DOCK1: variants seen among roughly 807,000 people sequenced by gnomAD.
DOCK1 encodes the protein dedicator of cytokinesis 1.
Under a neutral mutation model 262.7 loss-of-function variants are expected in DOCK1, and 138 were observed. The observed-to-expected ratio is 0.53, with a 90% CI of 0.46 to 0.61. The LOEUF (loss-of-function observed/expected upper bound fraction) is 0.61, where lower values mean the gene tolerates loss of function less well. Among genes scored for constraint, DOCK1 ranks in the 20% least tolerant of loss-of-function variants. DOCK1 has a pLI of 0.00. For missense variants in DOCK1, 1,908 were observed against 2,370.7 expected, an observed-to-expected ratio of 0.80 and a Z score of 4.05; for synonymous variants, 866 against 867.4, an observed-to-expected ratio of 1.00 and a Z score of 0.03.
intron 27 of DOCK1, among the ~76,000 whole-genome samples, chr10:127,199,669 G>A (rs1166124424): frequency 6.6e-6 from 1 of 152,162 alleles, no homozygotes; most frequent in Non-Finnish European, 1.5e-5. Context: ...TATCAGAATG[G>A]GGATTACCTT....
chr10:127,204,928 G>A (rs1195666267), intron 27 of DOCK1, among the ~76,000 whole-genome samples: 2 of 152,150 alleles, frequency 1.3e-5, no homozygotes, highest in Non-Finnish European at 2.9e-5. Flanking sequence ...CCATTTGACT[G>A]TGGGTGGCCT....
chr10:127,262,215 T>TGG (rs879430933), intron 29 of DOCK1, among the ~76,000 whole-genome samples: 1 of 143,438 alleles, frequency 7.0e-6, no homozygotes, highest in Non-Finnish European at 1.5e-5. Context: ...TGTGTGTGCG[T>TGG]GTGTGTGTGT....
intron 27 of DOCK1, among the ~76,000 whole-genome samples, chr10:127,177,721 C>T (rs1326029420): frequency 1.3e-5 from 2 of 152,240 alleles, no homozygotes; most frequent in Non-Finnish European, 2.9e-5. Context: ...TGGCAGCACT[C>T]ATTGGAAAAT....
chr10:127,363,013 CCACA>C (rs768899518), intron 33 of DOCK1, among the ~76,000 whole-genome samples: 6 of 37,236 alleles, frequency 1.6e-4, no homozygotes, highest in East Asian at 6.4e-4. Flanking sequence ...ACGCACATCC[CCACA>C]CACACACACA....
intron 18 of DOCK1, 36 bp downstream of exon 18, chr10:127,032,356 G>A: frequency 2.0e-6 from 3 of 1,471,104 alleles, no homozygotes; most frequent in East Asian, 5.0e-5. Flanking sequence ...CACCCCAGGA[G>A]CTCTGCCCCA....
intron 1 of DOCK1, among the ~76,000 whole-genome samples, chr10:126,909,413 T>A (rs927564104): frequency 6.6e-6 from 1 of 152,122 alleles, no homozygotes; most frequent in Admixed American, 6.5e-5. Flanking sequence ...AGATAATACA[T>A]TTGTGTGGTT....
At chr10:127,297,084 T>A (rs2061529270) in intron 29 of DOCK1, among the ~76,000 whole-genome samples, 2 of 150,834 alleles carry the variant, frequency 1.3e-5, no homozygotes, top group African/African-American at 4.9e-5. Context: ...AGAGGAGGGG[T>A]GGGAGTGAGG....
chr10:127,135,643 A>T (rs182798660), intron 27 of DOCK1: 1 of 152,646 alleles, frequency 6.6e-6, no homozygotes, highest in African/African-American at 2.4e-5. Context: ...TGATTTTGAC[A>T]ATAGTTTTTC....
intron 43 of DOCK1, among the ~76,000 whole-genome samples, chr10:127,414,651 A>G (rs1224612163): frequency 6.6e-6 from 1 of 152,186 alleles, no homozygotes; most frequent in Non-Finnish European, 1.5e-5. Flanking sequence ...ATATAAACAT[A>G]TATTAGTTAC....
intron 31 of DOCK1, chr10:127,344,632 T>C (rs1202887286): frequency 6.6e-6 from 1 of 152,248 alleles, no homozygotes; most frequent in Admixed American, 6.5e-5. Flanking sequence ...GCTGCTCTTA[T>C]ATCCTGTGAG....
intron 1 of DOCK1, among the ~76,000 whole-genome samples, chr10:126,946,500 C>T (rs1019038703): frequency 8.5e-5 from 13 of 152,056 alleles, no homozygotes; most frequent in East Asian, 1.9e-4. Context: ...GAGCTGAGAT[C>T]GCAGCACTAC....
rs2047852653 is a variant in DOCK1, at chr10:127,095,488, G to T, written c.2446-10743G>T. Among the ~76,000 whole-genome samples the T allele has an allele frequency of 2.0e-5, 3 of 152,248 alleles. No homozygotes were observed. The South Asian group carries it at 6.2e-4, about 32-fold the overall frequency. ...TAGAGAAGGGATATGGGAGAGAAGT[G>T]CAGGGGATTTACTTAGCCAAGGCTG... On this transcript the variant is annotated intron_variant, in intron 23 of 51. Coordinates refer to ENST00000623213, the MANE Select transcript of DOCK1 (RefSeq NM_001290223.2).
intron 1 of DOCK1, among the ~76,000 whole-genome samples, chr10:126,937,798 C>T (rs2034656217): frequency 6.6e-6 from 1 of 152,094 alleles, no homozygotes; most frequent in African/African-American, 2.4e-5. Flanking sequence ...TGTGGTGTTG[C>T]CTTTCTACTC....
chr10:127,344,752 T>A (rs2063559483), intron 31 of DOCK1, among the ~76,000 whole-genome samples: 1 of 152,138 alleles, frequency 6.6e-6, no homozygotes, highest in Non-Finnish European at 1.5e-5. Context: ...TACCAGCTAC[T>A]TAGGAGGCTG....
At chr10:127,145,080 T>C (rs2051670730) in intron 27 of DOCK1, among the ~76,000 whole-genome samples, 1 of 152,204 alleles carries the variant, frequency 6.6e-6, no homozygotes, top group Non-Finnish European at 1.5e-5. Context: ...ACTGGAGAAC[T>C]TGCTTGACTG....
At chr10:127,448,762 T>G (rs1012868785) in intron 51 of DOCK1, among the ~76,000 whole-genome samples, 4 of 152,016 alleles carry the variant, frequency 2.6e-5, no homozygotes, top group Admixed American at 6.6e-5. Flanking sequence ...AAACATGAGA[T>G]TGTTGGGTGG....
rs115064464 is a variant in DOCK1, at chr10:127,335,009, C to G, written c.3045-3997C>G. 7.1e-3 allele frequency among the ~76,000 whole-genome samples: 1,074 copies of G among 152,302 alleles called. 11 individuals are homozygous for G. Among genetic ancestry groups the G allele is most frequent in the African/African-American group, 0.025 (1,031 of 41,572 alleles). Reference sequence around the variant, plus strand: ...GGGGCAACCAAATACTCTAGCCTCCCTGAGGCCTCTCATTTGGGCCAGAGC... The same window carrying G: ...GGGGCAACCAAATACTCTAGCCTCCGTGAGGCCTCTCATTTGGGCCAGAGC... On this transcript the variant is annotated intron_variant, in intron 29 of 51. Coordinates refer to ENST00000623213, the MANE Select transcript of DOCK1 (RefSeq NM_001290223.2).
In DOCK1 at chr10:127,024,595, G is replaced by A. The variant is rs542140068; in HGVS notation, c.1453-90G>A. The A allele has an allele frequency of 3.1e-5, 34 of 1,095,042 alleles. No homozygotes were observed. The East Asian group carries it at 5.3e-4, about 17-fold the overall frequency. 67.8% of individuals were successfully genotyped at this position (1,095,042 alleles called of 1,614,324 possible). On this transcript the variant is annotated intron_variant, in intron 14 of 51. Transcript: ENST00000623213. ...GGGGGTGTGTTGGTGTTCTTGGAGC[G>A]TACCTGTCCCCCCACATATATAGTG...
intron 1 of DOCK1, among the ~76,000 whole-genome samples, chr10:126,948,848 C>T (rs1366953573): frequency 1.3e-5 from 2 of 152,062 alleles, no homozygotes; most frequent in Non-Finnish European, 2.9e-5. Context: ...TATGCCTTTC[C>T]TGAGGTTGGG....
Sources: gnomAD v4.1 joint callset for allele counts (sites outside exome capture counted in the v4.1 genomes callset) on GRCh38, gnomAD v4.1.1 for gene constraint, MANE v1.5 for transcripts, NCBI Gene and HGNC (gene_info 2026-07-23, HGNC 2026-07-21) for gene names.